The following TTC28 variants were observed in gnomAD, a reference collection of about 807,000 sequenced individuals.
TTC28 encodes tetratricopeptide repeat protein 28.
TTC28 carries 61 observed loss-of-function variants against 198.0 expected under a neutral mutation model. That is an observed-to-expected ratio of 0.31 (90% confidence interval 0.25 to 0.38). The LOEUF (loss-of-function observed/expected upper bound fraction) is 0.38. Among genes scored for constraint, TTC28 ranks in the 10% least tolerant of loss-of-function variants. TTC28 has a pLI of 1.00. For synonymous variants in TTC28, 1,171 were observed against 1,297.8 expected (o/e 0.90, Z 2.10); for missense variants, 2,678 against 3,164.0 (o/e 0.85, Z 3.69).
At chr22:28,593,087 T>G (rs1008597384) in intron 2 of TTC28, among the ~76,000 whole-genome samples, 1 of 150,476 alleles carries the variant, frequency 6.6e-6, no homozygotes, top group African/African-American at 2.5e-5. Context: ...CATAGTAGCT[T>G]TTGGGTAAGT....
At chr22:28,014,932 C>T (rs1424837395) in intron 13 of TTC28, among the ~76,000 whole-genome samples, 2 of 152,260 alleles carry the variant, frequency 1.3e-5, no homozygotes, top group African/African-American at 4.8e-5. Context: ...TGGGAAGATG[C>T]TATGACCAGG....
chr22:28,442,539 C>T (rs980779163), intron 2 of TTC28, among the ~76,000 whole-genome samples: 5 of 152,254 alleles, frequency 3.3e-5, no homozygotes, highest in African/African-American at 1.2e-4. Context: ...TCCACTCCCG[C>T]CCCACGCCCC....
At position 28,005,916 on chromosome 22, in the gene TTC28, A is replaced by C. The variant is rs1297348029; in HGVS notation, c.4219-4363T>G. ...TACACTCCCTCAGCCCTAGAGAACC[A>C]CACAGCTTCCCTATATCTTACAGTT... On this transcript the variant is annotated intron_variant, in intron 14 of 22. Transcript: ENST00000397906. This position sits in a 1 kb window ranked among gnomAD's most constrained non-coding sequence, Gnocchi z 4.9. 6.6e-6 allele frequency among the ~76,000 whole-genome samples: 1 copy of C among 152,212 alleles called. No individual in the cohort carries two copies. The highest frequency in any genetic ancestry group is 1.5e-5 in the Non-Finnish European group (1 of 68,026).
In TTC28 at chr22:28,091,900, G is replaced by A. The variant is rs183379354; in HGVS notation, c.3932+2180C>T. On this transcript the variant is annotated intron_variant, in intron 12 of 22. Coordinates refer to ENST00000397906, the MANE Select transcript of TTC28 (RefSeq NM_001145418.2). ...ATGTATAAATGGGCATAAGGGGTAG[G>A]GAAACCTATGCTGGGAGTTGTAGAG... 2.6e-3 allele frequency among the ~76,000 whole-genome samples: 393 copies of A among 152,276 alleles called. 1 individual carries two copies. Among genetic ancestry groups the A allele is most frequent in the African/African-American group, 8.9e-3 (371 of 41,568 alleles).
At chr22:28,589,880 A>G (rs2050392590) in intron 2 of TTC28, among the ~76,000 whole-genome samples, 1 of 151,616 alleles carries the variant, frequency 6.6e-6, no homozygotes, top group Non-Finnish European at 1.5e-5. Flanking sequence ...TCTACTAAAA[A>G]TACAAAAATT....
chr22:28,383,345 A>C (rs2046525715), intron 2 of TTC28, among the ~76,000 whole-genome samples: 1 of 152,202 alleles, frequency 6.6e-6, no homozygotes, highest in Non-Finnish European at 1.5e-5. Context: ...TGTCCGCAGC[A>C]GCAATATGTT....
At chr22:27,990,178 T>C (rs748630804) in intron 20 of TTC28, 171 bp from the exon 21 acceptor site, 2 of 908,042 alleles carry the variant, frequency 2.2e-6, no homozygotes, top group Non-Finnish European at 1.5e-6. Context: ...TGTCCTGCTG[T>C]CCTCTCTGTG....
intron 5 of TTC28, among the ~76,000 whole-genome samples, chr22:28,251,535 C>T (rs2147274850): frequency 6.6e-6 from 1 of 152,250 alleles, no homozygotes; most frequent in South Asian, 2.1e-4. Context: ...CTATACCTGG[C>T]TCTATCACTG....
intron 2 of TTC28, among the ~76,000 whole-genome samples, chr22:28,390,134 TC>T (rs1432800009): frequency 6.6e-6 from 1 of 152,192 alleles, no homozygotes; most frequent in Admixed American, 6.5e-5. Context: ...TTGTTCAGTT[TC>T]CATGTAGTTG....
At position 28,185,115 on chromosome 22, in the gene TTC28, T is replaced by C. The variant is rs563520070; in HGVS notation, c.934-21516A>G. On this transcript the variant is annotated intron_variant, in intron 5 of 22. Transcript: ENST00000397906. ...TGTCAGAATGAATATGTGGTACTAA[T>C]GTCTTTCAACTCCTAGTCCTCCTTA... Among the ~76,000 whole-genome samples, 4 of 152,350 alleles carry C rather than the reference T, an allele frequency of 2.6e-5. No homozygotes were observed. The East Asian group carries it at 7.7e-4, about 29-fold the overall frequency.
intron 2 of TTC28, among the ~76,000 whole-genome samples, chr22:28,529,819 C>T (rs865864247): frequency 1.3e-5 from 2 of 152,184 alleles, no homozygotes; most frequent in Non-Finnish European, 2.9e-5. Context: ...CAGCAAACTC[C>T]AGCAGACCTT....
chr22:28,491,358 T>TCC, intron 2 of TTC28, among the ~76,000 whole-genome samples: 1 of 152,066 alleles, frequency 6.6e-6, no homozygotes, highest in Admixed American at 6.6e-5. Flanking sequence ...GCAATCTACT[T>TCC]ATCTGACAAA....
chr22:28,234,192 C>T (rs561260536), intron 5 of TTC28, among the ~76,000 whole-genome samples: 44 of 152,170 alleles, frequency 2.9e-4, no homozygotes, highest in Middle Eastern at 6.8e-3. Flanking sequence ...AGGCATGAGC[C>T]ACCGCACCTG....
chr22:28,506,042 C>T (rs920731560), intron 2 of TTC28, among the ~76,000 whole-genome samples: 3 of 76,626 alleles, frequency 3.9e-5, no homozygotes, highest in Non-Finnish European at 5.6e-5. Context: ...GGCCAGACTG[C>T]TTCCTTAAGG....
chr22:28,088,684 GC>G (rs1372641402), intron 12 of TTC28, among the ~76,000 whole-genome samples: 1 of 152,172 alleles, frequency 6.6e-6, no homozygotes, highest in Non-Finnish European at 1.5e-5. Context: ...AAACTAAAGA[GC>G]TTCTGCACAG....
At chr22:28,265,049 T>C (rs1931594291) in intron 5 of TTC28, among the ~76,000 whole-genome samples, 1 of 152,188 alleles carries the variant, frequency 6.6e-6, no homozygotes, top group Non-Finnish European at 1.5e-5. Flanking sequence ...TGTAAATATA[T>C]AAGTATTTCT....
chr22:28,340,030 C>T (rs1047804199), intron 2 of TTC28, among the ~76,000 whole-genome samples: 8 of 152,144 alleles, frequency 5.3e-5, no homozygotes, highest in African/African-American at 1.9e-4. Flanking sequence ...GCCATGTTGG[C>T]TCCCTAAATC....
chr22:28,090,224 A>C (rs1416827196), intron 12 of TTC28, among the ~76,000 whole-genome samples: 2 of 152,078 alleles, frequency 1.3e-5, no homozygotes, highest in Admixed American at 1.3e-4. Context: ...TTCATTTATA[A>C]TCACCACTAA....
intron 2 of TTC28, among the ~76,000 whole-genome samples, chr22:28,399,764 A>G (rs1244234787): frequency 1.3e-5 from 2 of 152,324 alleles, no homozygotes; most frequent in East Asian, 3.9e-4. Context: ...TGGTCCATAT[A>G]TTATCCTTCA....
Sources: gnomAD v4.1 joint callset for allele counts (sites outside exome capture counted in the v4.1 genomes callset) on GRCh38, gnomAD v4.1.1 for gene constraint, Gnocchi (gnomAD v3.1) non-coding constraint, MANE v1.5 for transcripts, NCBI Gene and HGNC (gene_info 2026-07-23, HGNC 2026-07-21) for gene names.